Variants in CBR4 observed in about 807,000 individuals in gnomAD.
CBR4 encodes carbonyl reductase 4, also known as 3-oxoacyl-[acyl-carrier-protein] reductase.
CBR4 carries 22 observed loss-of-function variants against 21.0 expected under a neutral mutation model. The ratio of observed to expected loss-of-function variants is 1.05; its 90% confidence interval spans 0.75 to 1.50. The LOEUF (loss-of-function observed/expected upper bound fraction) is 1.50, where lower values mean the gene tolerates loss of function less well. Ranked by LOEUF, CBR4 falls within the 40% of genes most tolerant of loss-of-function variation. The pLI is 0.00. For missense variants in CBR4, 302 were observed against 286.3 expected (o/e 1.05, Z -0.40); for synonymous variants, 100 against 104.4 (o/e 0.96, Z 0.26).
chr4:168,934,282 C>CAAAAAAAAAAAAAAAAAA (rs60538970), intron 2 of CBR4, among the ~76,000 whole-genome samples: 166 of 18,128 alleles, frequency 9.2e-3, no homozygotes, highest in African/African-American at 0.012. Context: ...GCAAAAAAAA[C>CAAAAAAAAAAAAAAAAAA]AAAAAAAAAA....
chr4:168,917,738 T>C (rs1760487684), intron 2 of CBR4, among the ~76,000 whole-genome samples: 2 of 152,156 alleles, frequency 1.3e-5, no homozygotes, highest in Non-Finnish European at 2.9e-5. Context: ...TTTTATTTCT[T>C]AGGATCATTA....
intron 2 of CBR4, among the ~76,000 whole-genome samples, chr4:168,939,031 C>A (rs750315412): frequency 1.1e-4 from 16 of 152,144 alleles, no homozygotes; most frequent in African/African-American, 3.6e-4. Context: ...TGATGAACAT[C>A]GTTGCAAAAA....
intron 4 of CBR4, among the ~76,000 whole-genome samples, chr4:168,994,423 G>A (rs1765082460): frequency 6.6e-6 from 1 of 152,178 alleles, no homozygotes; most frequent in Non-Finnish European, 1.5e-5. Flanking sequence ...CAGGGATTTT[G>A]TTTATGGCCA....
chr4:168,910,039 G>A (rs1185284583), intron 2 of CBR4, among the ~76,000 whole-genome samples: 2 of 152,094 alleles, frequency 1.3e-5, no homozygotes, highest in Non-Finnish European at 2.9e-5. Context: ...GTTCAGAAGT[G>A]CAGGTTGGTA....
At chr4:168,960,886 T>C (rs971796930) in intron 2 of CBR4, among the ~76,000 whole-genome samples, 1 of 152,226 alleles carries the variant, frequency 6.6e-6, no homozygotes, top group Non-Finnish European at 1.5e-5. Flanking sequence ...TCAACTTAGA[T>C]AATAACACAA....
intron 2 of CBR4, among the ~76,000 whole-genome samples, chr4:168,935,911 G>A (rs1293038930): frequency 6.6e-6 from 1 of 152,204 alleles, no homozygotes; most frequent in African/African-American, 2.4e-5. Context: ...CTCAAGCTCT[G>A]CTAAGGGACA....
intron 4 of CBR4, among the ~76,000 whole-genome samples, chr4:168,995,595 C>T (rs1765155898): frequency 9.3e-6 from 1 of 108,106 alleles, no homozygotes; most frequent in Non-Finnish European, 2.1e-5. Context: ...CCCCAAAGGA[C>T]TCTCCCCCAT....
rs925956016 is a variant in CBR4 at position 168,999,084 on chromosome 4, C to T, written c.535+2987G>A. Among the ~76,000 whole-genome samples the T allele has an allele frequency of 5.9e-5, 9 of 152,208 alleles. No homozygotes were observed. In the East Asian group the frequency reaches 1.5e-3, roughly 26 times the overall value. On this transcript the variant is annotated intron_variant, in intron 4 of 4. Transcript: ENST00000306193. ...CAATATCTTCCAATCAGTATGATTT[C>T]CCATGAACAGTTTATTTTATATTTA...
At chr4:168,900,186 A>G (rs1756191348) in intron 2 of CBR4, among the ~76,000 whole-genome samples, 1 of 152,180 alleles carries the variant, frequency 6.6e-6, no homozygotes, top group Non-Finnish European at 1.5e-5. Context: ...TAAACCATTC[A>G]TGAGGGATCC....
At chr4:168,971,980 G>C (rs1399778857) in intron 2 of CBR4, among the ~76,000 whole-genome samples, 1 of 152,156 alleles carries the variant, frequency 6.6e-6, no homozygotes, top group Non-Finnish European at 1.5e-5. Flanking sequence ...TGAGAGATGA[G>C]AACCCAGTTT....
intron 2 of CBR4, among the ~76,000 whole-genome samples, chr4:168,939,258 A>C (rs1763196382): frequency 6.6e-6 from 1 of 152,132 alleles, no homozygotes; most frequent in South Asian, 2.1e-4. Flanking sequence ...CCCTTCATGC[A>C]AAAAACTCTC....
intron 2 of CBR4, among the ~76,000 whole-genome samples, chr4:168,978,429 T>C (rs954283481): frequency 2.6e-5 from 4 of 152,030 alleles, no homozygotes; most frequent in Non-Finnish European, 4.4e-5. Context: ...AGAGGACATG[T>C]TGGGATTCAT....
chr4:168,941,713 G>A (rs1763269065), intron 2 of CBR4, among the ~76,000 whole-genome samples: 1 of 152,104 alleles, frequency 6.6e-6, no homozygotes, highest in South Asian at 2.1e-4. Flanking sequence ...TTTCTCCACA[G>A]TCGCCCCAGC....
chr4:168,911,047 A>C (rs1271569691), intron 2 of CBR4, among the ~76,000 whole-genome samples: 1 of 152,208 alleles, frequency 6.6e-6, no homozygotes, highest in Non-Finnish European at 1.5e-5. Context: ...AATAATGATA[A>C]TTTATGATGT....
chr4:168,912,565 A>G (rs1181609591), intron 2 of CBR4, among the ~76,000 whole-genome samples: 1 of 152,228 alleles, frequency 6.6e-6, no homozygotes. Context: ...CACATATGAC[A>G]GCGTTTATCA....
chr4:168,929,383 G>A (rs968399231), intron 2 of CBR4, among the ~76,000 whole-genome samples: 55 of 152,098 alleles, frequency 3.6e-4, no homozygotes, highest in African/African-American at 1.3e-3. Flanking sequence ...GGAGCTTTGA[G>A]GATACATTTG....
At chr4:169,006,319 A>AGT (rs1730908356) in intron 3 of CBR4, among the ~76,000 whole-genome samples, 2 of 152,114 alleles carry the variant, frequency 1.3e-5, no homozygotes, top group African/African-American at 4.8e-5. Context: ...TAGGCCACAT[A>AGT]GTGTGACCTC....
At chr4:168,968,822 G>C (rs1764117828) in intron 2 of CBR4, among the ~76,000 whole-genome samples, 1 of 152,228 alleles carries the variant, frequency 6.6e-6, no homozygotes. Context: ...TGCAGAGAAA[G>C]AGAAGGGTCA....
intron 2 of CBR4, among the ~76,000 whole-genome samples, chr4:168,949,535 T>A (rs1382357676): frequency 6.6e-6 from 1 of 152,160 alleles, no homozygotes; most frequent in African/African-American, 2.4e-5. Context: ...ATTGAGGTAT[T>A]GTCCCTTGTA....
Sources: gnomAD v4.1 joint callset for allele counts (sites outside exome capture counted in the v4.1 genomes callset) on GRCh38, gnomAD v4.1.1 for gene constraint, MANE v1.5 for transcripts, NCBI Gene and HGNC (gene_info 2026-07-23, HGNC 2026-07-21) for gene names.